The following NUDCD1 variants were observed in gnomAD, a reference collection of about 807,000 sequenced individuals.
The protein encoded by NUDCD1 is nudC domain-containing protein 1.
NUDCD1 carries 60 observed loss-of-function variants against 67.8 expected under a neutral mutation model. The observed-to-expected ratio is 0.88, with a 90% confidence interval of 0.72 to 1.10. The LOEUF is 1.10. Ranked by LOEUF, NUDCD1 falls within the 50% of genes least tolerant of loss-of-function variation. The probability of loss-of-function intolerance (pLI) is 0.00; values close to 1 mark genes in which losing one functional copy is unlikely to be tolerated. For missense variants in NUDCD1, 643 were observed against 695.0 expected (o/e 0.93, Z 0.84); for synonymous variants, 244 against 230.8 (o/e 1.06, Z -0.52).
At chr8:109,262,645 T>A (rs1056576328) in intron 8 of NUDCD1, among the ~76,000 whole-genome samples, 2 of 152,182 alleles carry the variant, frequency 1.3e-5, no homozygotes, top group African/African-American at 4.8e-5. Context: ...CAATCAATCA[T>A]GGCTCAACTA....
At chr8:109,277,405 CCTT>C (rs1266368254) in intron 6 of NUDCD1, among the ~76,000 whole-genome samples, 4 of 151,824 alleles carry the variant, frequency 2.6e-5, no homozygotes, top group Admixed American at 6.6e-5. Flanking sequence ...ATCAGTGCAC[CCTT>C]CTTCTAAGAC....
intron 2 of NUDCD1, chr8:109,313,854 C>G (rs763420758): frequency 2.9e-5 from 31 of 1,068,976 alleles, no homozygotes; most frequent in Middle Eastern, 4.6e-4. Context: ...TAAATGGGTA[C>G]AATATCCAAT....
Position 109,242,457 on chromosome 8 carries a change from G to A in NUDCD1, c.*552C>T. ...TGTCTATGTCTGTGGCAGAGCAACT[G>A]GCTAAAAGTTACATAAAGCTATACT... On this transcript the variant is annotated 3_prime_UTR_variant, in exon 10 of 10. Transcript: ENST00000239690. The A allele has an allele frequency of 3.8e-6, 1 of 260,900 alleles. No homozygotes were observed. Among genetic ancestry groups the A allele is most frequent in the Non-Finnish European group, 7.1e-6 (1 of 140,092 alleles). 16.2% of individuals were successfully genotyped at this position (260,900 alleles called of 1,614,324 possible).
chr8:109,290,654 T>C (rs1337781210), intron 4 of NUDCD1, among the ~76,000 whole-genome samples: 2 of 152,168 alleles, frequency 1.3e-5, no homozygotes, highest in African/African-American at 4.8e-5. Flanking sequence ...TTAACTGTAT[T>C]CCAAAAGTTT....
chr8:109,298,294 CAG>C (rs942393401), intron 2 of NUDCD1, among the ~76,000 whole-genome samples: 20 of 152,202 alleles, frequency 1.3e-4, no homozygotes, highest in Admixed American at 2.6e-4. Context: ...ACAGAGAGAA[CAG>C]AGACTATCAA....
chr8:109,283,989 T>TAAAAA (rs58089818), intron 5 of NUDCD1, among the ~76,000 whole-genome samples: 20 of 133,120 alleles, frequency 1.5e-4, no homozygotes, highest in African/African-American at 3.2e-4. Context: ...AAAGCTGGAT[T>TAAAAA]AAAAAAAAAA....
chr8:109,320,786 A>C (rs1285669940), intron 2 of NUDCD1, among the ~76,000 whole-genome samples: 2 of 152,248 alleles, frequency 1.3e-5, no homozygotes, highest in Non-Finnish European at 2.9e-5. Context: ...ATATATGTCC[A>C]TGAAATCTTC....
chr8:109,257,492 C>G (rs1279013014), intron 8 of NUDCD1, among the ~76,000 whole-genome samples: 1 of 151,982 alleles, frequency 6.6e-6, no homozygotes, highest in African/African-American at 2.4e-5. Context: ...TCAGAAGATT[C>G]AATATCATTA....
chr8:109,274,868 C>T (rs905445907), intron 7 of NUDCD1, among the ~76,000 whole-genome samples: 1 of 152,042 alleles, frequency 6.6e-6, no homozygotes, highest in Non-Finnish European at 1.5e-5. Context: ...TGTATTCAAC[C>T]TCATGATTAA....
At chr8:109,326,739 A>C (rs1313040937) in intron 1 of NUDCD1, among the ~76,000 whole-genome samples, 2 of 152,162 alleles carry the variant, frequency 1.3e-5, no homozygotes, top group African/African-American at 2.4e-5. Context: ...TTTTTCACAC[A>C]TGAAAACCAC....
intron 8 of NUDCD1, among the ~76,000 whole-genome samples, chr8:109,265,034 G>A (rs956410298): frequency 2.6e-5 from 4 of 151,658 alleles, no homozygotes; most frequent in East Asian, 3.9e-4. Flanking sequence ...GGTAAAGACA[G>A]GCAAAGTAAA....
intron 8 of NUDCD1, among the ~76,000 whole-genome samples, chr8:109,263,075 A>AAAAAAC (rs1281719219): frequency 6.0e-5 from 9 of 150,100 alleles, no homozygotes; most frequent in Non-Finnish European, 1.0e-4. Flanking sequence ...AAAAAAAAAA[A>AAAAAAC]AAAACCCTGA....
At chr8:109,314,270 A>T (rs934358356) in intron 2 of NUDCD1, among the ~76,000 whole-genome samples, 4 of 152,202 alleles carry the variant, frequency 2.6e-5, no homozygotes, top group African/African-American at 9.6e-5. Flanking sequence ...AACATTACAC[A>T]GCTGACTGCA....
intron 2 of NUDCD1, among the ~76,000 whole-genome samples, chr8:109,319,877 A>G (rs1002860027): frequency 6.6e-6 from 1 of 152,200 alleles, no homozygotes; most frequent in Admixed American, 6.5e-5. Context: ...TAAGGGACAG[A>G]GTACAAAAGA....
At chr8:109,252,881 T>TA (rs1178478525) in intron 8 of NUDCD1, among the ~76,000 whole-genome samples, 1 of 152,196 alleles carries the variant, frequency 6.6e-6, no homozygotes, top group East Asian at 1.9e-4. Context: ...CTTTCCAACT[T>TA]TCTACATTTT....
chr8:109,300,156 C>A (rs939568775), intron 2 of NUDCD1, among the ~76,000 whole-genome samples: 1 of 152,146 alleles, frequency 6.6e-6, no homozygotes, highest in African/African-American at 2.4e-5. Flanking sequence ...AAGAAGGAAT[C>A]AGAAAATCAA....
chr8:109,262,256 C>G (rs2926202), intron 8 of NUDCD1, among the ~76,000 whole-genome samples: 54,857 of 152,080 alleles, frequency 0.36, 10,731 homozygotes, highest in South Asian at 0.5. Flanking sequence ...TGTTAATGCC[C>G]CCAGTGGACA....
At chr8:109,270,623 C>A (rs1814127255) in intron 8 of NUDCD1, among the ~76,000 whole-genome samples, 1 of 151,838 alleles carries the variant, frequency 6.6e-6, no homozygotes, top group African/African-American at 2.4e-5. Context: ...ATGTGTAGAA[C>A]CACTACATGC....
At position 109,333,912 on chromosome 8, in the gene NUDCD1, G is replaced by A; in HGVS notation, c.99C>T (p.Tyr33=). 6.2e-7 allele frequency: 1 copy of A among 1,614,186 alleles called. No individual in the cohort carries two copies. The highest frequency in any genetic ancestry group is 8.5e-7 in the Non-Finnish European group (1 of 1,179,990). Residue 33 remains tyrosine, a synonymous_variant, in exon 1 of 10, where the codon TAC becomes TAT. Coordinates refer to ENST00000239690, the MANE Select transcript of NUDCD1 (RefSeq NM_032869.4). Reference sequence around the variant, plus strand: ...TCCCACCTGCGTCAAGCTCCAGCTGGTAACAAGGCAGCGGCTCAAGAGAGA... The same window carrying A: ...TCCCACCTGCGTCAAGCTCCAGCTGATAACAAGGCAGCGGCTCAAGAGAGA... The part of the protein sequence containing the change: ...YKLSLEPLPC[Y]QLELDAAVAE...
Sources: allele counts gnomAD v4.1 joint callset (sites outside exome capture counted in the v4.1 genomes callset), GRCh38; gene constraint gnomAD v4.1.1; transcripts MANE v1.5; gene names NCBI Gene and HGNC (gene_info 2026-07-23, HGNC 2026-07-21).